CAMK4: variants seen among roughly 807,000 people sequenced by gnomAD.
CAMK4 encodes the protein calcium/calmodulin-dependent protein kinase type IV.
Under a neutral mutation model 44.9 loss-of-function variants are expected in CAMK4, and 22 were observed. The ratio of observed to expected loss-of-function variants is 0.49; its 90% CI spans 0.35 to 0.70. CAMK4 has a LOEUF of 0.70. CAMK4 is among the 30% of genes least tolerant of loss of function. The pLI, the probability that CAMK4 is intolerant of heterozygous loss-of-function variation, is 0.01. For synonymous variants in CAMK4, 218 were observed against 215.4 expected, an observed-to-expected ratio of 1.01 and a Z score of -0.11; for missense variants, 498 against 586.8, an observed-to-expected ratio of 0.85 and a Z score of 1.56.
intron 1 of CAMK4, among the ~76,000 whole-genome samples, chr5:111,318,433 T>G (rs1397448243): frequency 1.3e-5 from 2 of 152,324 alleles, no homozygotes; most frequent in East Asian, 3.9e-4. Flanking sequence ...TAAGACTGAT[T>G]GCCATAGCAT....
chr5:111,258,767 G>A (rs1170808290), intron 1 of CAMK4, among the ~76,000 whole-genome samples: 1 of 151,696 alleles, frequency 6.6e-6, no homozygotes, highest in Non-Finnish European at 1.5e-5. Context: ...GTGTGTGTGT[G>A]TGTGTGTGTG....
chr5:111,379,174 G>T (rs749783812), intron 4 of CAMK4, among the ~76,000 whole-genome samples: 2 of 152,122 alleles, frequency 1.3e-5, no homozygotes, highest in African/African-American at 2.4e-5. Context: ...TGCAGGACAG[G>T]AATGCCACAC....
At chr5:111,356,345 G>T (rs1448687837) in intron 2 of CAMK4, among the ~76,000 whole-genome samples, 2 of 151,674 alleles carry the variant, frequency 1.3e-5, no homozygotes, top group Admixed American at 1.3e-4. Context: ...CTTTTTGATG[G>T]GGTTGTTTGT....
intron 1 of CAMK4, among the ~76,000 whole-genome samples, chr5:111,232,272 A>C (rs1227291723): frequency 6.6e-6 from 1 of 152,190 alleles, no homozygotes; most frequent in Non-Finnish European, 1.5e-5. Flanking sequence ...TTAATGAATA[A>C]GTAAAATGAA....
intron 1 of CAMK4, among the ~76,000 whole-genome samples, chr5:111,241,622 A>G (rs1463321915): frequency 1.3e-5 from 2 of 152,204 alleles, no homozygotes; most frequent in African/African-American, 4.8e-5. Context: ...CCCAGAGTGG[A>G]GAATATCTAC....
chr5:111,369,995 T>TC (rs1750943289), intron 2 of CAMK4, among the ~76,000 whole-genome samples: 1 of 152,094 alleles, frequency 6.6e-6, no homozygotes, highest in African/African-American at 2.4e-5. Context: ...GTGGAAAAAG[T>TC]CTCACTTTAC....
Position 111,362,027 on chromosome 5 carries a change from G to A in CAMK4, c.241-12823G>A, listed in dbSNP as rs146636618. The stretch of plus-strand genomic sequence containing the variant: ...AAGAATTAAAAAATTGGAAACAGAA[G>A]ATTAGAAATGCTCACTTTGATTTGA... On this transcript the variant is annotated intron_variant, in intron 2 of 10. Transcript: ENST00000282356. Among the ~76,000 whole-genome samples, 3 of 152,146 alleles carry A rather than the reference G, an allele frequency of 2.0e-5. No individual in the cohort carries two copies. The East Asian group carries it at 5.8e-4, about 29-fold the overall frequency.
At chr5:111,329,188 T>C (rs1177510808) in intron 1 of CAMK4, among the ~76,000 whole-genome samples, 4 of 151,976 alleles carry the variant, frequency 2.6e-5, no homozygotes, top group African/African-American at 9.7e-5. Flanking sequence ...CGCTTCATGC[T>C]AAAACCTCTC....
At chr5:111,372,193 A>G (rs1193110073) in intron 2 of CAMK4, among the ~76,000 whole-genome samples, 3 of 152,176 alleles carry the variant, frequency 2.0e-5, no homozygotes, top group African/African-American at 4.8e-5. Context: ...ATACTTCAGG[A>G]TCTTAGGAAA....
intron 4 of CAMK4, among the ~76,000 whole-genome samples, chr5:111,382,632 A>G (rs541562840): frequency 6.6e-5 from 10 of 152,222 alleles, no homozygotes; most frequent in Admixed American, 2.6e-4. Context: ...AGCAACACAT[A>G]TATAAAGTAG....
At chr5:111,235,808 A>T (rs902032079) in intron 1 of CAMK4, among the ~76,000 whole-genome samples, 3 of 152,208 alleles carry the variant, frequency 2.0e-5, no homozygotes, top group African/African-American at 7.2e-5. Flanking sequence ...CGTTGGTCCG[A>T]GCCTGAGCCA....
intron 1 of CAMK4, among the ~76,000 whole-genome samples, chr5:111,299,035 C>G (rs1337992258): frequency 1.3e-5 from 2 of 152,336 alleles, no homozygotes; most frequent in East Asian, 3.9e-4. Flanking sequence ...AGCTGTTGCT[C>G]TTTGTATTGT....
At chr5:111,234,203 G>A (rs1249927721) in intron 1 of CAMK4, among the ~76,000 whole-genome samples, 1 of 152,094 alleles carries the variant, frequency 6.6e-6, no homozygotes, top group Non-Finnish European at 1.5e-5. Flanking sequence ...TATGAAAAGT[G>A]AGTTTAAAGC....
chr5:111,338,020 C>A (rs1749480781), intron 1 of CAMK4, among the ~76,000 whole-genome samples: 1 of 151,074 alleles, frequency 6.6e-6, no homozygotes, highest in Admixed American at 6.6e-5. Context: ...TTTCCATTTC[C>A]CAAATGACTA....
intron 1 of CAMK4, among the ~76,000 whole-genome samples, chr5:111,322,855 A>C (rs1244721782): frequency 6.6e-6 from 1 of 152,162 alleles, no homozygotes; most frequent in Non-Finnish European, 1.5e-5. Flanking sequence ...TGAAAAGTAC[A>C]TTATATGAAA....
At chr5:111,309,229 C>G (rs2112665612) in intron 1 of CAMK4, among the ~76,000 whole-genome samples, 1 of 152,304 alleles carries the variant, frequency 6.6e-6, no homozygotes, top group Non-Finnish European at 1.5e-5. Flanking sequence ...GCATGTACAC[C>G]AAACCAAATG....
At chr5:111,301,718 T>C (rs1747726321) in intron 1 of CAMK4, among the ~76,000 whole-genome samples, 1 of 152,212 alleles carries the variant, frequency 6.6e-6, no homozygotes, top group African/African-American at 2.4e-5. Context: ...CCTCCCCCAC[T>C]ATCATTTTGG....
At chr5:111,450,749 T>C (rs1754202531) in intron 7 of CAMK4, among the ~76,000 whole-genome samples, 1 of 151,062 alleles carries the variant, frequency 6.6e-6, no homozygotes, top group Non-Finnish European at 1.5e-5. Flanking sequence ...GATTGCACCA[T>C]TGCACTCCAG....
chr5:111,233,441 A>G lies in CAMK4; in HGVS notation c.161+8797A>G, dbSNP rs369856384. On this transcript the variant is annotated intron_variant, in intron 1 of 10. Coordinates refer to ENST00000282356, the MANE Select transcript of CAMK4 (RefSeq NM_001744.6). ...TATTTCTTTTTGTCTGATACTGATT[A>G]TATGACTGATGTTTACTTCACATAA... 8.6e-4 allele frequency among the ~76,000 whole-genome samples: 131 copies of G among 152,014 alleles called. 1 individual carries two copies. The East Asian group carries it at 9.8e-3, about 11-fold the overall frequency.
Sources: allele counts gnomAD v4.1 joint callset (sites outside exome capture counted in the v4.1 genomes callset), GRCh38; gene constraint gnomAD v4.1.1; transcripts MANE v1.5; gene names NCBI Gene and HGNC (gene_info 2026-07-23, HGNC 2026-07-21).